The following SHB variants were observed in gnomAD, a reference collection of about 807,000 sequenced individuals.
SHB encodes SH2 domain-containing adapter protein B.
A neutral mutation model predicts 52.3 loss-of-function variants in SHB; 20 were observed. The observed-to-expected ratio is 0.38, with a 90% CI of 0.27 to 0.56. SHB has a LOEUF of 0.56. Ranked by LOEUF, SHB falls within the 20% of genes least tolerant of loss-of-function variation. The probability of loss-of-function intolerance (pLI) is 0.71; values close to 1 mark genes in which losing one functional copy is unlikely to be tolerated. For missense variants in SHB, 825 were observed against 723.3 expected (o/e 1.14, Z -1.61); for synonymous variants, 397 against 316.5 (o/e 1.25, Z -2.70).
At chr9:38,034,882 A>G (rs1300984847) in intron 1 of SHB, among the ~76,000 whole-genome samples, 1 of 152,202 alleles carries the variant, frequency 6.6e-6, no homozygotes, top group Non-Finnish European at 1.5e-5. Flanking sequence ...TTTTTAGCAG[A>G]GATGGTGTTT....
intron 1 of SHB, among the ~76,000 whole-genome samples, chr9:38,021,956 G>A (rs112022125): frequency 1.1e-4 from 17 of 152,300 alleles, no homozygotes; most frequent in African/African-American, 3.9e-4. Flanking sequence ...TCCTCTCCCC[G>A]GAAAGTGAGG....
chr9:37,960,972 C>A (rs568216691), intron 3 of SHB, among the ~76,000 whole-genome samples: 1 of 152,296 alleles, frequency 6.6e-6, no homozygotes, highest in African/African-American at 2.4e-5. Context: ...TACCTGAGGG[C>A]TGCTGGTCTG....
At chr9:37,954,168 G>C (rs1311591311) in intron 4 of SHB, among the ~76,000 whole-genome samples, 1 of 152,238 alleles carries the variant, frequency 6.6e-6, no homozygotes, top group Non-Finnish European at 1.5e-5. Flanking sequence ...GCATGGCTGT[G>C]AGAAATGATT....
intron 1 of SHB, among the ~76,000 whole-genome samples, chr9:38,062,093 G>C (rs1821901474): frequency 6.6e-6 from 1 of 152,192 alleles, no homozygotes; most frequent in Admixed American, 6.5e-5. Context: ...TGCAAGAAGA[G>C]TAGCATTAAG....
At chr9:38,040,001 C>T (rs1821553252) in intron 1 of SHB, among the ~76,000 whole-genome samples, 1 of 152,234 alleles carries the variant, frequency 6.6e-6, no homozygotes, top group Admixed American at 6.5e-5. Flanking sequence ...GCGCCCCAGG[C>T]GTGTTTACAG....
chr9:37,969,678 C>T (rs1820570031), intron 3 of SHB, among the ~76,000 whole-genome samples: 1 of 152,214 alleles, frequency 6.6e-6, no homozygotes, highest in African/African-American at 2.4e-5. Context: ...TTGGTCCCTG[C>T]CTGTGGGCCC....
chr9:37,919,828 G>A lies in SHB; in HGVS notation c.1523C>T (p.Thr508Ile), dbSNP rs1832154596. 6.2e-7 allele frequency: 1 copy of A among 1,613,244 alleles called. No individual in the cohort carries two copies. The highest frequency in any genetic ancestry group is 8.5e-7 in the Non-Finnish European group (1 of 1,179,792). The part of the protein sequence containing the change: ...LSLLYPVAVR[T>I]L The stretch of plus-strand genomic sequence containing the variant: ...AGGGCAGGTCTGGTCCGCTCACAGG[G>A]TCCTCACAGCCACGGGATAGAGGAG... The change falls in exon 6 of 6, where the codon ACC becomes ATC. Residue 508 changes from threonine (T) to isoleucine (I), a missense_variant. Transcript: ENST00000377707.
intron 4 of SHB, among the ~76,000 whole-genome samples, chr9:37,954,723 C>A (rs546487728): frequency 6.6e-6 from 1 of 152,148 alleles, no homozygotes; most frequent in African/African-American, 2.4e-5. Flanking sequence ...TTATGAGACA[C>A]GGTTAGAAAC....
At chr9:37,947,317 G>A (rs1033110151) in intron 5 of SHB, among the ~76,000 whole-genome samples, 1 of 152,198 alleles carries the variant, frequency 6.6e-6, no homozygotes, top group African/African-American at 2.4e-5. Flanking sequence ...GTGATGACAG[G>A]CTCACTACCT....
chr9:37,963,035 G>T (rs547653575), intron 3 of SHB, among the ~76,000 whole-genome samples: 13 of 152,336 alleles, frequency 8.5e-5, no homozygotes, highest in African/African-American at 2.9e-4. Flanking sequence ...TGAGCCCTCT[G>T]CTTTGGGACT....
At chr9:38,048,768 C>T (rs550153484) in intron 1 of SHB, among the ~76,000 whole-genome samples, 2 of 152,338 alleles carry the variant, frequency 1.3e-5, no homozygotes, top group African/African-American at 4.8e-5. Flanking sequence ...CTTTAGGCCA[C>T]ACGTTAGCCA....
chr9:37,982,590 A>G (rs1005621457), intron 2 of SHB, among the ~76,000 whole-genome samples: 7 of 151,846 alleles, frequency 4.6e-5, no homozygotes, highest in Non-Finnish European at 8.8e-5. Context: ...CAGGAGATTG[A>G]AACTATCCTG....
Position 38,068,468 on chromosome 9 carries a change from C to A in SHB, c.178G>T (p.Ala60Ser). The change falls in exon 1 of 6, where the codon GCC becomes TCC. Residue 60 changes from alanine to serine, a missense_variant. Physicochemically the swap from Ala to Ser is moderately conservative, Grantham distance 99. Transcript: ENST00000377707. ...CCCGAAGAGGCTGAGAAGCAGGAGG[C>A]GGTGGCCGGACCGCAGGACGCCGAG... ...AASASCGPAT[A>S]SCFSASSGSL... is the part of the protein sequence containing the mutation. 2 of 1,515,918 alleles carry A rather than the reference C, an allele frequency of 1.3e-6. No individual in the cohort carries two copies. The highest frequency in any genetic ancestry group is 1.8e-6 in the Non-Finnish European group (2 of 1,137,388). 93.9% of individuals were successfully genotyped at this position (1,515,918 alleles called of 1,614,324 possible). A position where few individuals can be genotyped will look rare whatever the true frequency, so the allele number is the denominator to read the frequency against.
In SHB at chr9:37,916,507, G is replaced by GCTC. The variant is rs940576800; in HGVS notation, c.*3313_*3314insGAG. On this transcript the variant is annotated 3_prime_UTR_variant, in exon 6 of 6. Transcript: ENST00000377707. The stretch of plus-strand genomic sequence containing the variant: ...CTGGTTCTGGGAATGGGCAGAGGGA[G>GCTC]CCTGCAGCTCCACCCTGTTGACCGG... 6.6e-6 allele frequency among the ~76,000 whole-genome samples: 1 copy of GCTC among 152,242 alleles called. No individual in the cohort carries two copies. Among genetic ancestry groups the GCTC allele is most frequent in the Non-Finnish European group, 1.5e-5 (1 of 68,044 alleles).
At chr9:38,029,865 T>C (rs1007963113) in intron 1 of SHB, among the ~76,000 whole-genome samples, 1 of 152,210 alleles carries the variant, frequency 6.6e-6, no homozygotes, top group African/African-American at 2.4e-5. Context: ...GCTGAAGTAT[T>C]TGATAAATAA....
At chr9:37,965,840 T>C (rs1336335990) in intron 3 of SHB, among the ~76,000 whole-genome samples, 2 of 152,184 alleles carry the variant, frequency 1.3e-5, no homozygotes, top group African/African-American at 4.8e-5. Context: ...TCCTCATCTG[T>C]ACAGTGGGGG....
chr9:38,004,572 T>C (rs945445370), intron 2 of SHB, among the ~76,000 whole-genome samples: 3 of 152,058 alleles, frequency 2.0e-5, no homozygotes, highest in African/African-American at 4.8e-5. Context: ...CTTCAGGAAG[T>C]TGAGGACTCC....
chr9:38,010,591 T>A lies in SHB; in HGVS notation c.838+5420A>T, dbSNP rs1821127795. ...TGACTCAGTTCTCATCACCGCCACC[T>A]CCCACAACCCACTCTACTTGGATCA... On this transcript the variant is annotated intron_variant, in intron 2 of 5. Coordinates refer to ENST00000377707, the MANE Select transcript of SHB (RefSeq NM_003028.3). 2.0e-5 allele frequency among the ~76,000 whole-genome samples: 3 copies of A among 152,234 alleles called. No individual in the cohort carries two copies. In the South Asian group the frequency reaches 6.2e-4, roughly 32 times the overall value.
At chr9:38,067,758 C>T (rs762300086) in intron 1 of SHB, among the ~76,000 whole-genome samples, 171 bp downstream of exon 1, 1 of 152,136 alleles carries the variant, frequency 6.6e-6, no homozygotes, top group Non-Finnish European at 1.5e-5. Flanking sequence ...GCCGCCGGTC[C>T]CAGGAAAAGG....
Sources: allele counts gnomAD v4.1 joint callset (sites outside exome capture counted in the v4.1 genomes callset), GRCh38; gene constraint gnomAD v4.1.1; transcripts MANE v1.5; gene names NCBI Gene and HGNC (gene_info 2026-07-23, HGNC 2026-07-21).